The following TRIM2 variants were observed in gnomAD, a reference collection of about 807,000 sequenced individuals.
The protein encoded by TRIM2 is tripartite motif containing 2.
Under a neutral mutation model 75.2 loss-of-function variants are expected in TRIM2, and 20 were observed. The ratio of observed to expected loss-of-function variants is 0.27; its 90% CI spans 0.19 to 0.39. The LOEUF (loss-of-function observed/expected upper bound fraction) is 0.39. TRIM2 is among the 10% of genes least tolerant of loss of function. The probability of loss-of-function intolerance (pLI) is 1.00; values close to 1 mark genes in which losing one functional copy is unlikely to be tolerated. For synonymous variants in TRIM2, 373 were observed against 388.3 expected (o/e 0.96, Z 0.46); for missense variants, 660 against 990.8 (o/e 0.67, Z 4.48).
chr4:153,222,546 G>C (rs1363911270), intron 1 of TRIM2: 1 of 152,164 alleles, frequency 6.6e-6, no homozygotes, highest in African/African-American at 2.4e-5. Flanking sequence ...TTTGTGCGGG[G>C]ATTAGCTGTC....
chr4:153,204,645 T>A lies in TRIM2; in HGVS notation c.30+85T>A. ...CTGGGAGAAACAAGTTGTGATTGGG[T>A]TGCTACTTTTTCCTGGTTTTAATTT... On this transcript the variant is annotated intron_variant, in intron 1 of 11. Transcript: ENST00000338700. 2.0e-6 allele frequency: 3 copies of A among 1,507,762 alleles called. No individual in the cohort carries two copies. The South Asian group carries it at 3.6e-5, about 18-fold the overall frequency. 93.4% of individuals were successfully genotyped at this position (1,507,762 alleles called of 1,614,324 possible).
At chr4:153,223,085 C>A (rs1307032659) in intron 1 of TRIM2, 1 of 152,168 alleles carries the variant, frequency 6.6e-6, no homozygotes, top group African/African-American at 2.4e-5. Flanking sequence ...CCCGCCCGGG[C>A]AAGGTCCGGT....
intron 1 of TRIM2, among the ~76,000 whole-genome samples, chr4:153,184,816 A>G (rs187209445): frequency 1.6e-4 from 24 of 152,322 alleles, no homozygotes; most frequent in African/African-American, 5.8e-4. Context: ...AAACCTCATC[A>G]GAAGGAAAGC....
chr4:153,244,516 C>T (rs1247535349), intron 1 of TRIM2, among the ~76,000 whole-genome samples: 1 of 145,010 alleles, frequency 6.9e-6, no homozygotes, highest in African/African-American at 2.5e-5. Flanking sequence ...CTGCCTCAGT[C>T]TCCAAAGTAG....
chr4:153,309,278 G>A (rs1765710746), intron 6 of TRIM2, among the ~76,000 whole-genome samples: 1 of 152,090 alleles, frequency 6.6e-6, no homozygotes, highest in South Asian at 2.1e-4. Context: ...AGGATCAGGA[G>A]AACCAGGTTT....
rs1182331141 is a variant in TRIM2, at chr4:153,308,631, C to T, written c.1511-6854C>T. ...CATCCACACCTTTGGTCTTGATGGC[C>T]ATTTCAATGTTCAAAGCATCCTGCT... On this transcript the variant is annotated intron_variant, in intron 6 of 11. Coordinates refer to ENST00000338700, the MANE Select transcript of TRIM2 (RefSeq NM_015271.5). The T allele has an allele frequency of 3.3e-5, 20 of 614,872 alleles. No individual in the cohort carries two copies. The East Asian group carries it at 8.5e-4, about 26-fold the overall frequency. 38.1% of individuals were successfully genotyped at this position (614,872 alleles called of 1,614,324 possible). A position where few individuals can be genotyped will look rare whatever the true frequency, so the allele number is the denominator to read the frequency against.
Position 153,296,062 on chromosome 4 carries a change from C to A in TRIM2, c.1510+26C>A, listed in dbSNP as rs372741932. ...GTAAGGAGAGGGCTTCTGTGCCCGACGCCTGAGCTGGCACTGGTTAAGGGG... is the reference window on the plus strand; with the variant it reads ...GTAAGGAGAGGGCTTCTGTGCCCGAAGCCTGAGCTGGCACTGGTTAAGGGG... On this transcript the variant is annotated intron_variant, in intron 6 of 11. Coordinates refer to ENST00000338700, the MANE Select transcript of TRIM2 (RefSeq NM_015271.5). The A allele has an allele frequency of 4.7e-5, 71 of 1,511,946 alleles. No homozygotes were observed. In the African/African-American group the frequency reaches 8.9e-4, roughly 19 times the overall value. The allele number at this position is 1,511,946 out of a possible 1,614,324, so 93.7% of individuals were successfully genotyped here. A position where few individuals can be genotyped will look rare whatever the true frequency, so the allele number is the denominator to read the frequency against.
At chr4:153,187,288 G>C (rs888967297) in intron 1 of TRIM2, among the ~76,000 whole-genome samples, 1 of 152,132 alleles carries the variant, frequency 6.6e-6, no homozygotes, top group Non-Finnish European at 1.5e-5. Flanking sequence ...ACAAAGCAAG[G>C]TAAGTCCACC....
At chr4:153,285,310 CA>C in intron 3 of TRIM2, among the ~76,000 whole-genome samples, 1 of 152,150 alleles carries the variant, frequency 6.6e-6, no homozygotes, top group Non-Finnish European at 1.5e-5. Context: ...ATTCTCATGC[CA>C]GTACTACATT....
At chr4:153,241,787 T>G (rs1746693023) in intron 1 of TRIM2, among the ~76,000 whole-genome samples, 1 of 152,090 alleles carries the variant, frequency 6.6e-6, no homozygotes, top group South Asian at 2.1e-4. Context: ...CACAGATTCT[T>G]GAAAAGCCAG....
intron 1 of TRIM2, among the ~76,000 whole-genome samples, chr4:153,211,903 T>A (rs980123412): frequency 2.6e-5 from 4 of 152,198 alleles, no homozygotes; most frequent in African/African-American, 9.7e-5. Context: ...AATATACTTT[T>A]CTAAATCTGT....
At chr4:153,306,480 G>A (rs766558482) in intron 6 of TRIM2, among the ~76,000 whole-genome samples, 1 of 152,204 alleles carries the variant, frequency 6.6e-6, no homozygotes, top group Non-Finnish European at 1.5e-5. Flanking sequence ...CAGCAAAGAA[G>A]TCAGGGCTAG....
chr4:153,297,617 C>T (rs938898981), intron 6 of TRIM2, among the ~76,000 whole-genome samples: 3 of 152,064 alleles, frequency 2.0e-5, no homozygotes, highest in African/African-American at 7.2e-5. Context: ...TCTTGCATTA[C>T]GAACAAATTC....
chr4:153,154,669 G>A (rs760249160), intron 1 of TRIM2, among the ~76,000 whole-genome samples: 1 of 152,182 alleles, frequency 6.6e-6, no homozygotes, highest in Non-Finnish European at 1.5e-5. Context: ...CCTCAGAAAA[G>A]TAGTAATCAG....
intron 1 of TRIM2, among the ~76,000 whole-genome samples, chr4:153,233,921 C>G (rs894345590): frequency 9.2e-5 from 14 of 152,130 alleles, no homozygotes. Context: ...GAATTACATG[C>G]AAGGGGAGTA....
chr4:153,284,293 T>C (rs948938528), intron 3 of TRIM2, among the ~76,000 whole-genome samples: 6 of 151,912 alleles, frequency 3.9e-5, no homozygotes, highest in Admixed American at 3.9e-4. Flanking sequence ...CTCTGCCTCC[T>C]GGGTTCGAGT....
chr4:153,295,984 C>G lies in TRIM2; in HGVS notation c.1458C>G (p.Ser486Arg). 1 of 1,532,638 alleles carries G rather than the reference C, an allele frequency of 6.5e-7. No homozygotes were observed. 94.9% of individuals were successfully genotyped at this position (1,532,638 alleles called of 1,614,324 possible). Residue 486 changes from serine (S) to arginine (R), a missense_variant, in exon 6 of 12, where the codon AGC becomes AGG. By Grantham distance (110) the Ser-to-Arg change is moderately radical. Transcript: ENST00000338700. The surrounding 1 kb of genome is among the most constrained non-coding windows in gnomAD (Gnocchi z 7.2). ...KAVKRPASMY[S>R]TGKRKENPIE... The stretch of plus-strand genomic sequence containing the variant: ...TGAAAAGACCCGCAAGCATGTACAG[C>G]ACTGGAAAACGAAAAGAGAATCCCA...
At chr4:153,240,968 T>C (rs1211388471) in intron 1 of TRIM2, among the ~76,000 whole-genome samples, 1 of 152,092 alleles carries the variant, frequency 6.6e-6, no homozygotes, top group East Asian at 1.9e-4. Context: ...TCCCAGCTAC[T>C]CCGGAGGCTG....
At chr4:153,196,988 C>T (rs144531818) in intron 1 of TRIM2, among the ~76,000 whole-genome samples, 97 of 152,300 alleles carry the variant, frequency 6.4e-4, no homozygotes, top group African/African-American at 2.2e-3. Flanking sequence ...GGCCATTGGT[C>T]ATATGCAGAC....
Sources: gnomAD v4.1 joint callset for allele counts (sites outside exome capture counted in the v4.1 genomes callset) on GRCh38, gnomAD v4.1.1 for gene constraint, Gnocchi (gnomAD v3.1) non-coding constraint, MANE v1.5 for transcripts, NCBI Gene and HGNC (gene_info 2026-07-23, HGNC 2026-07-21) for gene names.